The following ULK4 variants were observed in gnomAD, a reference collection of about 807,000 sequenced individuals.
The protein encoded by ULK4 is inactive serine/threonine-protein kinase ULK4.
A neutral mutation model predicts 160.6 loss-of-function variants in ULK4; 133 were observed. That is an observed-to-expected ratio of 0.83 (90% CI 0.72 to 0.96). The LOEUF is 0.96. Ranked by LOEUF, ULK4 falls within the 40% of genes least tolerant of loss-of-function variation. The pLI, the probability that ULK4 is intolerant of heterozygous loss-of-function variation, is 0.00. For missense variants in ULK4, 1,580 were observed against 1,499.5 expected, an observed-to-expected ratio of 1.05 and a Z score of -0.89; for synonymous variants, 534 against 539.8, an observed-to-expected ratio of 0.99 and a Z score of 0.15.
At chr3:41,646,561 C>T (rs965320599) in intron 30 of ULK4, among the ~76,000 whole-genome samples, 3 of 152,204 alleles carry the variant, frequency 2.0e-5, no homozygotes, top group Admixed American at 6.5e-5. Context: ...CTGAGAGATC[C>T]GCTGTTAGTC....
intron 17 of ULK4, among the ~76,000 whole-genome samples, chr3:41,875,441 C>T (rs1697262486): frequency 6.6e-6 from 1 of 152,026 alleles, no homozygotes; most frequent in Non-Finnish European, 1.5e-5. Flanking sequence ...GCCTGGGCAA[C>T]ATAGGGAGAC....
intron 32 of ULK4, among the ~76,000 whole-genome samples, chr3:41,484,458 C>CTTTTTTTTTTCTTT (rs369059587): frequency 1.5e-5 from 2 of 134,868 alleles, no homozygotes; most frequent in African/African-American, 5.6e-5. Flanking sequence ...CTTTCTTTTC[C>CTTTTTTTTTTCTTT]TTTTTTTGTT....
chr3:41,935,430 C>T (rs1699742881), intron 4 of ULK4, among the ~76,000 whole-genome samples: 1 of 151,862 alleles, frequency 6.6e-6, no homozygotes, highest in Non-Finnish European at 1.5e-5. Context: ...GGGGTTTCAC[C>T]ATGTTGGCCA....
At chr3:41,300,860 TATATA>T (rs2079779094) in intron 35 of ULK4, among the ~76,000 whole-genome samples, 1 of 109,068 alleles carries the variant, frequency 9.2e-6, no homozygotes, top group Non-Finnish European at 1.7e-5. Context: ...TATATATATA[TATATA>T]TATATATATA....
intron 22 of ULK4, among the ~76,000 whole-genome samples, chr3:41,720,767 T>C (rs2037421149): frequency 6.6e-6 from 1 of 152,206 alleles, no homozygotes. Context: ...AGGATACTGA[T>C]ACTCTAGTTC....
Position 41,789,645 on chromosome 3 carries a change from A to G in ULK4, c.2193+16T>C. 6.5e-7 allele frequency: 1 copy of G among 1,548,700 alleles called. No homozygotes were observed. The highest frequency in any genetic ancestry group is 8.7e-7 in the Non-Finnish European group (1 of 1,148,424). On this transcript the variant is annotated intron_variant, in intron 21 of 36. Coordinates refer to ENST00000301831, the MANE Select transcript of ULK4 (RefSeq NM_017886.4). ...CAATTTTTAATGTAGAGTAACAGGT[A>G]AAATCTAAGTCAAACCTTTTCTTGG...
intron 21 of ULK4, among the ~76,000 whole-genome samples, chr3:41,785,777 G>C (rs1357935734): frequency 6.6e-6 from 1 of 152,076 alleles, no homozygotes; most frequent in Non-Finnish European, 1.5e-5. Context: ...AATGATCATT[G>C]CACTAAAACC....
In ULK4 at chr3:41,387,581, C is replaced by T. The variant is rs992680232; in HGVS notation, c.3678+10498G>A. Among the ~76,000 whole-genome samples, 11 of 152,184 alleles carry T rather than the reference C, an allele frequency of 7.2e-5. No individual in the cohort carries two copies. In the South Asian group the frequency reaches 1.2e-3, roughly 17 times the overall value. On this transcript the variant is annotated intron_variant, in intron 35 of 36. Transcript: ENST00000301831. ...ATGTTCCCCTTCCTGTGTCCATGTGCTCTCATTGTTCAATTCACACCTATG... is the reference window on the plus strand; with the variant it reads ...ATGTTCCCCTTCCTGTGTCCATGTGTTCTCATTGTTCAATTCACACCTATG...
intron 35 of ULK4, among the ~76,000 whole-genome samples, chr3:41,307,821 C>T (rs2079976966): frequency 7.4e-6 from 1 of 134,304 alleles, no homozygotes; most frequent in South Asian, 2.2e-4. Context: ...CAGAGCAAAA[C>T]CCCGTTTCAT....
intron 27 of ULK4, among the ~76,000 whole-genome samples, chr3:41,703,148 C>T (rs528212128): frequency 7.2e-5 from 11 of 152,142 alleles, no homozygotes; most frequent in East Asian, 1.9e-4. Context: ...TCCACCATGC[C>T]GGGCCAACGA....
intron 35 of ULK4, among the ~76,000 whole-genome samples, chr3:41,266,641 A>G (rs1376900003): frequency 1.3e-5 from 2 of 152,200 alleles, no homozygotes; most frequent in Non-Finnish European, 2.9e-5. Flanking sequence ...AGATTATCCA[A>G]AAAGGCTGTT....
chr3:41,862,172 A>G (rs1179228552), intron 17 of ULK4, among the ~76,000 whole-genome samples: 2 of 152,168 alleles, frequency 1.3e-5, no homozygotes, highest in East Asian at 3.8e-4. Flanking sequence ...AAATTCTGCT[A>G]AAGGACGCCA....
intron 32 of ULK4, among the ~76,000 whole-genome samples, chr3:41,481,759 G>A (rs1394820275): frequency 2.0e-5 from 3 of 147,654 alleles, no homozygotes; most frequent in Non-Finnish European, 3.0e-5. Flanking sequence ...CCCGGGAGGC[G>A]GAGCTTGCAG....
intron 17 of ULK4, among the ~76,000 whole-genome samples, chr3:41,848,862 G>C (rs1441272957): frequency 6.6e-6 from 1 of 152,156 alleles, no homozygotes; most frequent in Non-Finnish European, 1.5e-5. Context: ...AAAAGTAATA[G>C]ATAGTGCTGT....
chr3:41,593,317 A>T (rs1011106306), intron 31 of ULK4, among the ~76,000 whole-genome samples: 33 of 152,152 alleles, frequency 2.2e-4, no homozygotes, highest in Non-Finnish European at 5.9e-5. Context: ...CATGATGCGC[A>T]TCTCTTTAGT....
chr3:41,684,570 G>A (rs893118), intron 27 of ULK4, among the ~76,000 whole-genome samples: 10,450 of 152,230 alleles, frequency 0.069, 999 homozygotes, highest in African/African-American at 0.21. Flanking sequence ...ATAAGCACAC[G>A]TTCTTTGTCC....
chr3:41,533,677 A>G (rs1176351694), intron 32 of ULK4, among the ~76,000 whole-genome samples: 1 of 152,236 alleles, frequency 6.6e-6, no homozygotes, highest in African/African-American at 2.4e-5. Context: ...AACAAAAGCA[A>G]TATGGCCCAC....
intron 31 of ULK4, among the ~76,000 whole-genome samples, chr3:41,571,346 T>C (rs995116126): frequency 6.6e-6 from 1 of 152,204 alleles, no homozygotes; most frequent in African/African-American, 2.4e-5. Flanking sequence ...GCTAAATCCA[T>C]GCAAAGGACA....
intron 35 of ULK4, among the ~76,000 whole-genome samples, chr3:41,311,877 C>CATATACATATATATATATATATATAT (rs1553641794): frequency 2.7e-5 from 4 of 146,572 alleles, no homozygotes; most frequent in African/African-American, 1.0e-4. Context: ...AAACTCTCCT[C>CATATACATATATATATATATATATAT]ATATATATAT....
Sources: allele counts gnomAD v4.1 joint callset (sites outside exome capture counted in the v4.1 genomes callset), GRCh38; gene constraint gnomAD v4.1.1; transcripts MANE v1.5; gene names NCBI Gene and HGNC (gene_info 2026-07-23, HGNC 2026-07-21).